SOX5: variants seen among roughly 807,000 people sequenced by gnomAD.
SOX5 encodes transcription factor SOX-5.
Under a neutral mutation model 92.0 loss-of-function variants are expected in SOX5, and 9 were observed. The observed-to-expected ratio is 0.10, with a 90% CI of 0.06 to 0.17. The LOEUF is 0.17. Ranked by LOEUF, SOX5 falls within the 10% of genes least tolerant of loss-of-function variation. The pLI is 1.00. For missense variants in SOX5, 642 were observed against 944.5 expected (o/e 0.68, Z 4.20); for synonymous variants, 344 against 336.3 (o/e 1.02, Z -0.25).
intron 2 of SOX5, among the ~76,000 whole-genome samples, chr12:23,850,585 T>C (rs1022412365): frequency 6.6e-6 from 1 of 152,088 alleles, no homozygotes; most frequent in Non-Finnish European, 1.5e-5. Flanking sequence ...ATATACCTTA[T>C]AACAAATGTT....
intron 1 of SOX5, among the ~76,000 whole-genome samples, chr12:24,433,446 A>G (rs1475833195): frequency 6.6e-6 from 1 of 152,226 alleles, no homozygotes; most frequent in Non-Finnish European, 1.5e-5. Flanking sequence ...ACTTGATTAA[A>G]GATGAACTAA....
At chr12:24,383,106 T>C (rs1958000049) in intron 1 of SOX5, among the ~76,000 whole-genome samples, 1 of 152,188 alleles carries the variant, frequency 6.6e-6, no homozygotes, top group Non-Finnish European at 1.5e-5. Context: ...TGATTGAGAA[T>C]GCGATCTCCC....
At chr12:24,380,453 A>G (rs1260553507) in intron 1 of SOX5, among the ~76,000 whole-genome samples, 1 of 152,256 alleles carries the variant, frequency 6.6e-6, no homozygotes, top group Non-Finnish European at 1.5e-5. Flanking sequence ...TGCGCAACAT[A>G]TAATTTCATA....
chr12:23,603,380 G>A (rs2074774114), intron 9 of SOX5, among the ~76,000 whole-genome samples: 1 of 148,600 alleles, frequency 6.7e-6, no homozygotes, highest in African/African-American at 2.4e-5. Flanking sequence ...TGTCAACATG[G>A]CATTCATGGG....
chr12:24,067,179 C>T (rs984287281), intron 4 of SOX5, among the ~76,000 whole-genome samples: 1 of 152,050 alleles, frequency 6.6e-6, no homozygotes, highest in African/African-American at 2.4e-5. Context: ...AAAATGAATG[C>T]CAGTGGAGGC....
intron 3 of SOX5, among the ~76,000 whole-genome samples, chr12:24,265,565 T>C (rs1214161949): frequency 6.6e-6 from 1 of 152,084 alleles, no homozygotes; most frequent in Admixed American, 6.6e-5. Flanking sequence ...AGAAAAATAA[T>C]ATATAAAGAC....
chr12:23,572,544 T>C (rs1948538616), intron 10 of SOX5, among the ~76,000 whole-genome samples: 1 of 152,090 alleles, frequency 6.6e-6, no homozygotes, highest in Non-Finnish European at 1.5e-5. Context: ...TACTTTCCCA[T>C]GCTTAATCTT....
At chr12:24,047,531 A>G (rs1367016232) in intron 4 of SOX5, among the ~76,000 whole-genome samples, 2 of 152,184 alleles carry the variant, frequency 1.3e-5, no homozygotes, top group Non-Finnish European at 2.9e-5. Flanking sequence ...TCCTAATGAT[A>G]TCTTAAAGAC....
chr12:24,191,033 T>A (rs1956473572), intron 4 of SOX5, among the ~76,000 whole-genome samples: 1 of 152,192 alleles, frequency 6.6e-6, no homozygotes. Flanking sequence ...TCTTGCTATA[T>A]CACCATGGCT....
chr12:24,244,072 G>T (rs533435828), intron 3 of SOX5, among the ~76,000 whole-genome samples: 1 of 149,634 alleles, frequency 6.7e-6, no homozygotes, highest in African/African-American at 2.4e-5. Context: ...AAAAAGAAAA[G>T]GTTGGACATT....
At position 24,243,310 on chromosome 12, in the gene SOX5, T is replaced by G. The variant is rs137995623; in HGVS notation, c.-76-29893A>C. Among the ~76,000 whole-genome samples the G allele has an allele frequency of 3.0e-4, 45 of 152,298 alleles. 1 individual carries two copies. In the East Asian group the frequency reaches 7.9e-3, roughly 27 times the overall value. On this transcript the variant is annotated intron_variant, in intron 3 of 4. Coordinates refer to the SOX5 transcript ENST00000446891. ...TATTTCCAGTTTATAATCTGTAAAG[T>G]TGCATTTGTTTCATAGTGTGTATAG...
intron 3 of SOX5, among the ~76,000 whole-genome samples, chr12:24,245,389 A>C (rs1938485845): frequency 6.6e-6 from 1 of 152,174 alleles, no homozygotes; most frequent in African/African-American, 2.4e-5. Context: ...TAAAAATAGG[A>C]AACAATTTTT....
chr12:23,831,730 T>C (rs894307791), intron 3 of SOX5, among the ~76,000 whole-genome samples: 1 of 152,026 alleles, frequency 6.6e-6, no homozygotes, highest in African/African-American at 2.4e-5. Flanking sequence ...TGAGCAAAGA[T>C]TATCTGAAGA....
intron 1 of SOX5, among the ~76,000 whole-genome samples, chr12:24,461,771 T>A (rs1263084819): frequency 1.3e-5 from 2 of 152,212 alleles, no homozygotes; most frequent in Non-Finnish European, 1.5e-5. Flanking sequence ...TTTTGAGACA[T>A]CTTTCTCTTG....
intron 3 of SOX5, among the ~76,000 whole-genome samples, chr12:24,260,776 A>G (rs1453601152): frequency 6.6e-6 from 1 of 152,218 alleles, no homozygotes; most frequent in Non-Finnish European, 1.5e-5. Flanking sequence ...CAGTCTTACC[A>G]ATTAATAAGA....
chr12:24,063,253 G>T (rs767571952), intron 4 of SOX5, among the ~76,000 whole-genome samples: 1 of 152,156 alleles, frequency 6.6e-6, no homozygotes, highest in Non-Finnish European at 1.5e-5. Flanking sequence ...TTTGGGTTGG[G>T]AATATGTCTT....
intron 8 of SOX5, among the ~76,000 whole-genome samples, chr12:23,615,685 C>CT (rs35412273): frequency 4.6e-5 from 7 of 151,964 alleles, no homozygotes; most frequent in Non-Finnish European, 1.0e-4. Context: ...CGATCTCATT[C>CT]TTTTTTTATG....
chr12:23,962,031 A>G (rs907026851), intron 4 of SOX5, among the ~76,000 whole-genome samples: 1 of 152,220 alleles, frequency 6.6e-6, no homozygotes, highest in African/African-American at 2.4e-5. Flanking sequence ...GATAAGTTAC[A>G]TTGAATTTCA....
chr12:24,221,061 G>C (rs1298461372), intron 3 of SOX5, among the ~76,000 whole-genome samples: 1 of 152,174 alleles, frequency 6.6e-6, no homozygotes. Context: ...ATGTGACAGA[G>C]CTGAGATTTT....
Sources: gnomAD v4.1 joint callset for allele counts (sites outside exome capture counted in the v4.1 genomes callset) on GRCh38, gnomAD v4.1.1 for gene constraint, MANE v1.5 for transcripts, NCBI Gene and HGNC (gene_info 2026-07-23, HGNC 2026-07-21) for gene names.